GCNT1: variants seen among roughly 807,000 people sequenced by gnomAD.
GCNT1 encodes the protein glucosaminyl (N-acetyl) transferase 1.
GCNT1 carries 16 observed loss-of-function variants against 26.2 expected under a neutral mutation model. The ratio of observed to expected loss-of-function variants is 0.61; its 90% confidence interval spans 0.41 to 0.93. The LOEUF is 0.93. Among genes scored for constraint, GCNT1 ranks in the 40% least tolerant of loss-of-function variants. The probability of loss-of-function intolerance (pLI) is 0.00; values close to 1 mark genes in which losing one functional copy is unlikely to be tolerated. For missense variants in GCNT1, 477 were observed against 526.7 expected, an observed-to-expected ratio of 0.91 and a Z score of 0.92; for synonymous variants, 183 against 190.8, an observed-to-expected ratio of 0.96 and a Z score of 0.34.
At chr9:76,469,113 C>CT (rs1824072202) in intron 2 of GCNT1, among the ~76,000 whole-genome samples, 1 of 152,024 alleles carries the variant, frequency 6.6e-6, no homozygotes, top group Admixed American at 6.5e-5. Context: ...ATAGAGGAAA[C>CT]TAAGTGTCAA....
chr9:76,498,435 C>T (rs1350594255), intron 2 of GCNT1, among the ~76,000 whole-genome samples: 11 of 152,082 alleles, frequency 7.2e-5, no homozygotes. Context: ...TACATTTCTA[C>T]CAGCAATTTA....
the GCNT1 span, among the ~76,000 whole-genome samples, chr9:76,405,176 G>A: frequency 6.6e-6 from 1 of 152,104 alleles, no homozygotes; most frequent in Non-Finnish European, 1.5e-5. Context: ...CAGCTAGTGA[G>A]CTCTGTTTTG....
chr9:76,402,316 T>C, the GCNT1 span, among the ~76,000 whole-genome samples: 6 of 152,254 alleles, frequency 3.9e-5, no homozygotes, highest in Non-Finnish European at 7.3e-5. Context: ...TTCCTATCAC[T>C]GTTTGTACTG....
At chr9:76,400,743 A>G in the GCNT1 span, among the ~76,000 whole-genome samples, 24 of 152,202 alleles carry the variant, frequency 1.6e-4, no homozygotes, top group African/African-American at 4.3e-4. Flanking sequence ...ATGCTTGACA[A>G]TGCCTTCCAG....
intron 2 of GCNT1, among the ~76,000 whole-genome samples, chr9:76,472,745 TTTTC>T (rs558931819): frequency 0.18 from 12,981 of 73,264 alleles, 856 homozygotes; most frequent in African/African-American, 0.35. Flanking sequence ...TTTTCTTTTC[TTTTC>T]TTTTTTTTTT....
At chr9:76,469,525 C>T (rs1299230494) in intron 2 of GCNT1, among the ~76,000 whole-genome samples, 1 of 152,206 alleles carries the variant, frequency 6.6e-6, no homozygotes, top group African/African-American at 2.4e-5. Context: ...TATGGGAGCT[C>T]TGTTTCCACT....
chr9:76,457,435 G>C (rs1823775025), upstream of GCNT1, among the ~76,000 whole-genome samples: 1 of 152,142 alleles, frequency 6.6e-6, no homozygotes, highest in African/African-American at 2.4e-5. Context: ...TTTTAGTAGA[G>C]ACGGGGTTTT....
intron 1 of GCNT1, among the ~76,000 whole-genome samples, chr9:76,444,075 T>C: frequency 6.6e-6 from 1 of 152,076 alleles, no homozygotes; most frequent in East Asian, 1.9e-4. Flanking sequence ...CCAGGAGTGT[T>C]TGGCCTGAGC....
At chr9:76,417,416 A>G (rs1823142481), upstream of GCNT1, among the ~76,000 whole-genome samples, 1 of 152,230 alleles carries the variant, frequency 6.6e-6, no homozygotes, top group Admixed American at 6.5e-5. Flanking sequence ...AGATTAACTG[A>G]CAATAGATGG....
intron 1 of GCNT1, among the ~76,000 whole-genome samples, chr9:76,429,777 C>T (rs1379230884): frequency 8.2e-5 from 12 of 146,482 alleles, no homozygotes; most frequent in Admixed American, 7.7e-4. Context: ...TTCAGTGGCG[C>T]AATCTCGGCT....
chr9:76,449,516 T>C (rs57429014), intron 1 of GCNT1, among the ~76,000 whole-genome samples: 41,862 of 152,040 alleles, frequency 0.28, 6,106 homozygotes, highest in Non-Finnish European at 0.32. Context: ...CCCTCTCCCA[T>C]ACCAGAATAA....
intron 1 of GCNT1, among the ~76,000 whole-genome samples, chr9:76,445,601 C>G (rs997774766): frequency 6.6e-6 from 1 of 150,774 alleles, no homozygotes; most frequent in East Asian, 2.0e-4. Flanking sequence ...ACATGTTGGC[C>G]AGGCTGGTCT....
upstream of GCNT1, among the ~76,000 whole-genome samples, chr9:76,458,175 ATTT>A (rs779648273): frequency 1.8e-4 from 14 of 76,220 alleles, no homozygotes; most frequent in Non-Finnish European, 2.5e-4. Flanking sequence ...TCTGAGTTGG[ATTT>A]TTTTTTTTTT....
chr9:76,499,809 A>G (rs1825012726), intron 2 of GCNT1, among the ~76,000 whole-genome samples: 1 of 152,210 alleles, frequency 6.6e-6, no homozygotes, highest in Admixed American at 6.5e-5. Flanking sequence ...CAATTAAGCC[A>G]GTATTTATAC....
intron 2 of GCNT1, among the ~76,000 whole-genome samples, chr9:76,489,896 C>G (rs1824684824): frequency 6.6e-6 from 1 of 151,898 alleles, no homozygotes; most frequent in African/African-American, 2.4e-5. Context: ...GCCAGTGGGT[C>G]AGTCCAGGGG....
upstream of GCNT1, among the ~76,000 whole-genome samples, chr9:76,458,175 ATTTTTT>A (rs779648273): frequency 7.3e-4 from 56 of 76,220 alleles, no homozygotes; most frequent in East Asian, 0.021. Context: ...TCTGAGTTGG[ATTTTTT>A]TTTTTTTTTT....
At chr9:76,450,405 T>C (rs1387027041) in intron 1 of GCNT1, among the ~76,000 whole-genome samples, 1 of 152,262 alleles carries the variant, frequency 6.6e-6, no homozygotes, top group African/African-American at 2.4e-5. Context: ...GTTTCGATTC[T>C]GAAATCTTTG....
At chr9:76,463,409 G>T (rs559194744) in intron 2 of GCNT1, among the ~76,000 whole-genome samples, 73 of 152,196 alleles carry the variant, frequency 4.8e-4, no homozygotes, top group Non-Finnish European at 9.1e-4. Context: ...TAAGGTTGTG[G>T]TCACAAATGC....
chr9:76,401,824 G>A, the GCNT1 span, among the ~76,000 whole-genome samples: 2 of 152,294 alleles, frequency 1.3e-5, no homozygotes, highest in South Asian at 4.1e-4. Flanking sequence ...GAGCCCAGGA[G>A]GTTGTGGCTG....
Sources: allele counts gnomAD v4.1 joint callset (sites outside exome capture counted in the v4.1 genomes callset), GRCh38; gene constraint gnomAD v4.1.1; transcripts MANE v1.5; gene names NCBI Gene and HGNC (gene_info 2026-07-23, HGNC 2026-07-21).